The following GLI3 variants were observed in gnomAD, a reference collection of about 807,000 sequenced individuals.
GLI3 encodes the protein GLI family zinc finger 3, also known as transcription activator GLI3.
A neutral mutation model predicts 100.8 loss-of-function variants in GLI3; 20 were observed. That is an observed-to-expected ratio of 0.20 (90% CI 0.14 to 0.29). GLI3 has a LOEUF of 0.29. Among genes scored for constraint, GLI3 ranks in the 10% least tolerant of loss-of-function variants. The pLI, the probability that GLI3 is intolerant of heterozygous loss-of-function variation, is 1.00. For synonymous variants in GLI3, 938 were observed against 860.5 expected (o/e 1.09, Z -1.58); for missense variants, 2,040 against 2,128.5 (o/e 0.96, Z 0.82).
rs577213637 is a variant in GLI3 at position 42,068,231 on chromosome 7, A to G, written c.473+8521T>C. 1.1e-4 allele frequency among the ~76,000 whole-genome samples: 17 copies of G among 152,358 alleles called. No individual in the cohort carries two copies. In the South Asian group the frequency reaches 3.5e-3, roughly 32 times the overall value. The stretch of plus-strand genomic sequence containing the variant: ...ATAAAAATTGAGGCAATGTCACCAA[A>G]TTAGCTAAGTCAGCACAGGAGGTAA... On this transcript the variant is annotated intron_variant, in intron 4 of 14. Coordinates refer to ENST00000395925, the MANE Select transcript of GLI3 (RefSeq NM_000168.6).
chr7:42,059,734 T>C (rs1784531249), intron 4 of GLI3, among the ~76,000 whole-genome samples: 1 of 152,226 alleles, frequency 6.6e-6, no homozygotes, highest in African/African-American at 2.4e-5. Context: ...CTCTGTTTTC[T>C]AGACAGTTTC....
At chr7:42,155,594 C>T (rs1786983508) in intron 2 of GLI3, among the ~76,000 whole-genome samples, 1 of 152,142 alleles carries the variant, frequency 6.6e-6, no homozygotes, top group Non-Finnish European at 1.5e-5. Flanking sequence ...ACCATTTGCT[C>T]CAAAGAGCAG....
At chr7:42,228,549 C>T (rs554341971) in intron 1 of GLI3, among the ~76,000 whole-genome samples, 4 of 152,310 alleles carry the variant, frequency 2.6e-5, no homozygotes, top group African/African-American at 7.2e-5. Context: ...AGCCAAATTT[C>T]CAGCAAACAC....
intron 3 of GLI3, among the ~76,000 whole-genome samples, chr7:42,105,756 C>T (rs1282868330): frequency 1.3e-5 from 2 of 152,078 alleles, no homozygotes. Context: ...GTGCTAGCCT[C>T]GGGGGAACCA....
At chr7:41,981,198 G>T (rs529719059) in intron 10 of GLI3, among the ~76,000 whole-genome samples, 42 of 152,352 alleles carry the variant, frequency 2.8e-4, no homozygotes, top group African/African-American at 8.4e-4. Context: ...TGGCAGGAGA[G>T]AACTGGCCAG....
chr7:42,209,353 T>C (rs991066072), intron 2 of GLI3, among the ~76,000 whole-genome samples: 3 of 152,188 alleles, frequency 2.0e-5, no homozygotes, highest in African/African-American at 4.8e-5. Flanking sequence ...GCCTGGTCTC[T>C]GGAATAGTAT....
chr7:42,133,942 G>A lies in GLI3; in HGVS notation c.367+14284C>T, dbSNP rs118167598. On this transcript the variant is annotated intron_variant, in intron 3 of 14. Coordinates refer to ENST00000395925, the MANE Select transcript of GLI3 (RefSeq NM_000168.6). The stretch of plus-strand genomic sequence containing the variant: ...ACTATAAATACAAAAATTAGCCGGC[G>A]TGGTGTCGCGTGCCCATAATCCCAT... 7.6e-3 allele frequency among the ~76,000 whole-genome samples: 1,162 copies of A among 152,068 alleles called. 4 individuals carry two copies. Among genetic ancestry groups the A allele is most frequent in the Non-Finnish European group, 0.012 (842 of 68,002 alleles).
rs762641481 is a variant in GLI3 at position 42,023,607 on chromosome 7, T to A, written c.1358A>T (p.Glu453Val). ...LPSPGARGQQ[E>V]QPEGTTLVKE... ...GACAAGGGTTGTTCCTTCGGGCTGT[T>A]CCTGAAAGAAGAGGGTGGGGGGCAG... The change falls in exon 10 of 15, where the codon GAA becomes GTA. Residue 453 changes from glutamate to valine, a missense_variant and splice_region_variant. Transcript: ENST00000395925. The A allele has an allele frequency of 6.3e-7, 1 of 1,593,252 alleles. No homozygotes were observed. Among genetic ancestry groups the A allele is most frequent in the East Asian group, 2.3e-5 (1 of 44,076 alleles).
At chr7:42,225,462 C>T (rs1404426391) in intron 1 of GLI3, among the ~76,000 whole-genome samples, 1 of 152,072 alleles carries the variant, frequency 6.6e-6, no homozygotes, top group African/African-American at 2.4e-5. Context: ...CAGCTTCAAG[C>T]GATTCTCCTG....
chr7:42,243,496 C>A (rs766212159), intron 1 of GLI3, among the ~76,000 whole-genome samples: 1 of 152,170 alleles, frequency 6.6e-6, no homozygotes, highest in Non-Finnish European at 1.5e-5. Context: ...GGATTTAAAT[C>A]ATTTCTCCAT....
chr7:42,184,276 A>G (rs1562776659), intron 2 of GLI3, among the ~76,000 whole-genome samples: 1 of 152,176 alleles, frequency 6.6e-6, no homozygotes, highest in East Asian at 1.9e-4. Context: ...CACCATGCCT[A>G]GGTCTGCCCC....
chr7:41,977,460 G>C, intron 12 of GLI3, 98 bp downstream of exon 12: 3 of 1,313,426 alleles, frequency 2.3e-6, no homozygotes, highest in Non-Finnish European at 3.2e-6. Context: ...ATGGCCAAGG[G>C]GAAAACAAAA....
intron 1 of GLI3, among the ~76,000 whole-genome samples, chr7:42,230,651 T>C (rs1376263950): frequency 2.6e-5 from 4 of 152,246 alleles, no homozygotes; most frequent in African/African-American, 9.6e-5. Context: ...TCTTCCCCTG[T>C]TGCCAGAAGT....
chr7:42,054,395 A>T (rs569399161), intron 4 of GLI3, among the ~76,000 whole-genome samples: 1 of 152,350 alleles, frequency 6.6e-6, no homozygotes, highest in East Asian at 1.9e-4. Context: ...GCATTAAACA[A>T]GGTTTACATG....
chr7:42,171,894 G>A (rs1329378163), intron 2 of GLI3, among the ~76,000 whole-genome samples: 2 of 152,096 alleles, frequency 1.3e-5, no homozygotes, highest in African/African-American at 4.8e-5. Flanking sequence ...AATGGTATTT[G>A]GGGGCAGAGT....
intron 1 of GLI3, among the ~76,000 whole-genome samples, chr7:42,226,203 G>C (rs200338122): frequency 6.6e-6 from 1 of 152,120 alleles, no homozygotes; most frequent in Non-Finnish European, 1.5e-5. Context: ...GGCTGTATTT[G>C]AGTAGAGTCT....
intron 2 of GLI3, among the ~76,000 whole-genome samples, chr7:42,208,417 A>G (rs561526077): frequency 9.9e-5 from 15 of 152,268 alleles, no homozygotes; most frequent in Non-Finnish European, 1.3e-4. Flanking sequence ...ACCTTCTCCA[A>G]GTGTCCCTGT....
At chr7:42,125,172 G>A (rs147617053) in intron 3 of GLI3, among the ~76,000 whole-genome samples, 2 of 152,286 alleles carry the variant, frequency 1.3e-5, no homozygotes, top group Admixed American at 6.5e-5. Flanking sequence ...CAGTCCTCAC[G>A]CTAACAAGTA....
intron 2 of GLI3, among the ~76,000 whole-genome samples, chr7:42,200,311 G>A (rs955991212): frequency 2.6e-5 from 4 of 152,178 alleles, no homozygotes; most frequent in African/African-American, 9.7e-5. Flanking sequence ...GGGACCATAT[G>A]TCCAGGCCCA....
Sources: gnomAD v4.1 joint callset for allele counts (sites outside exome capture counted in the v4.1 genomes callset) on GRCh38, gnomAD v4.1.1 for gene constraint, MANE v1.5 for transcripts, NCBI Gene and HGNC (gene_info 2026-07-23, HGNC 2026-07-21) for gene names.